The following BMP15 variants were observed in gnomAD, a reference collection of about 807,000 sequenced individuals.
BMP15 encodes the protein growth/differentiation factor 9B.
BMP15 carries 5 observed loss-of-function variants against 4.4 expected under a neutral mutation model. The observed-to-expected ratio is 1.13, with a 90% CI of 0.59 to 2.38. The LOEUF is 2.38. Ranked by LOEUF, BMP15 falls within the 30% of genes most tolerant of loss-of-function variation. BMP15 has a pLI of 0.01. For missense variants in BMP15, 339 were observed against 309.8 expected, an observed-to-expected ratio of 1.09 and a Z score of -0.71; for synonymous variants, 125 against 114.6, an observed-to-expected ratio of 1.09 and a Z score of -0.58.
rs140427037 is a variant in BMP15 at position 50,915,773 on chromosome X, G to C, written c.345G>C (p.Gln115His). 8.8e-5 allele frequency: 106 copies of C among 1,209,579 alleles called. No individual in the cohort carries two copies. Among genetic ancestry groups the C allele is most frequent in the Middle Eastern group, 2.3e-4 (1 of 4,352 alleles). Residue 115 changes from glutamine (Q) to histidine (H), a missense_variant, in exon 2 of 2, where the codon CAG (glutamine) becomes CAC (histidine). Physicochemically the swap from Gln to His is conservative, Grantham distance 24. Transcript: ENST00000252677. Reference protein sequence around the residue: ...ARPHRGTWHIQILGFPLRPNR... With the variant: ...ARPHRGTWHIHILGFPLRPNR... Reference sequence around the variant, plus strand: ...CTTCTGCAGGTACCTGGCATATACAGATCCTGGGCTTTCCTCTCAGACCAA... The same window carrying C: ...CTTCTGCAGGTACCTGGCATATACACATCCTGGGCTTTCCTCTCAGACCAA...
At chrX:50,911,917 G>C (rs782138461) in intron 1 of BMP15, among the ~76,000 whole-genome samples, 1 of 111,080 alleles carries the variant, frequency 9.0e-6, no homozygotes, top group South Asian at 3.9e-4. Flanking sequence ...AGACATTGTT[G>C]CAGGACAACA....
chrX:50,914,324 C>T (rs1355437326), intron 1 of BMP15, among the ~76,000 whole-genome samples: 2 of 111,858 alleles, frequency 1.8e-5, no homozygotes, highest in Admixed American at 9.4e-5. Flanking sequence ...GCTCAAAGGG[C>T]GGCTAATCCC....
At position 50,916,602 on chromosome X, in the gene BMP15, A is replaced by G. The variant is rs782238571; in HGVS notation, c.1174A>G (p.Arg392Gly). ...EGMIAESCTC[R>G] ...TATGATTGCTGAGTCTTGTACATGC[A>G]GATGACAGCAACAGTACGGCTAGAT... Residue 392 changes from arginine to glycine, a missense_variant, in exon 2 of 2, where the codon AGA (arginine) becomes GGA (glycine). Arg to Gly is a moderately radical substitution (Grantham distance 125). Coordinates refer to ENST00000252677, the MANE Select transcript of BMP15 (RefSeq NM_005448.2). The G allele has an allele frequency of 8.3e-7, 1 of 1,209,490 alleles. No individual in the cohort carries two copies. Among genetic ancestry groups the G allele is most frequent in the African/African-American group, 1.8e-5 (1 of 57,124 alleles).
intron 1 of BMP15, among the ~76,000 whole-genome samples, chrX:50,914,733 G>A (rs1239360761): frequency 8.9e-6 from 1 of 112,132 alleles, no homozygotes; most frequent in Non-Finnish European, 1.9e-5. Context: ...CTGATAAGAT[G>A]TCTGAAGATG....
At chrX:50,914,022 G>A (rs972348536) in intron 1 of BMP15, among the ~76,000 whole-genome samples, 2 of 111,921 alleles carry the variant, frequency 1.8e-5, no homozygotes, top group African/African-American at 6.5e-5. Flanking sequence ...CCAGGCTGGA[G>A]TGCAGTGGCA....
chrX:50,910,849 G>A lies in BMP15; in HGVS notation c.66G>A (p.Arg22=). 21 of 1,209,000 alleles carry A rather than the reference G, an allele frequency of 1.7e-5. No homozygotes were observed. Among genetic ancestry groups the A allele is most frequent in the Non-Finnish European group, 2.3e-5 (21 of 894,020 alleles). ...LCELVLFMEH[R]AQMAEGGQSS... is the part of the protein sequence containing the mutation. ...AACTCGTGCTTTTCATGGAACACAG[G>A]GCCCAAATGGCAGAAGGAGGGCAGT... Residue 22 remains arginine (R), a synonymous_variant, in exon 1 of 2, where the codon AGG becomes AGA. Transcript: ENST00000252677.
chrX:50,915,243 G>T (rs1923101383), intron 1 of BMP15, among the ~76,000 whole-genome samples: 1 of 111,652 alleles, frequency 9.0e-6, no homozygotes, highest in East Asian at 2.8e-4. Context: ...CATCTGTATA[G>T]TGATATGACA....
intron 1 of BMP15, among the ~76,000 whole-genome samples, chrX:50,913,354 G>C (rs1438415500): frequency 1.8e-5 from 2 of 111,091 alleles, no homozygotes; most frequent in Non-Finnish European, 3.8e-5. Flanking sequence ...ATTTGAGCCT[G>C]GGAGGTTGAG....
chrX:50,912,924 G>A (rs1923043105), intron 1 of BMP15, among the ~76,000 whole-genome samples: 1 of 111,718 alleles, frequency 9.0e-6, no homozygotes, highest in Non-Finnish European at 1.9e-5. Flanking sequence ...TGCCATTTGA[G>A]CTCAGGTCTA....
intron 1 of BMP15, among the ~76,000 whole-genome samples, chrX:50,913,245 C>T (rs1453464297): frequency 2.7e-5 from 3 of 111,112 alleles, no homozygotes; most frequent in African/African-American, 9.8e-5. Flanking sequence ...CTGAGCAACA[C>T]AGGGAGACAT....
chrX:50,914,114 G>GCA (rs1162644176), intron 1 of BMP15, among the ~76,000 whole-genome samples: 1 of 111,579 alleles, frequency 9.0e-6, no homozygotes, highest in Non-Finnish European at 1.9e-5. Flanking sequence ...GGGATTACAG[G>GCA]TGCCTGCCAC....
chrX:50,914,126 A>G (rs889618778), intron 1 of BMP15, among the ~76,000 whole-genome samples: 1 of 111,417 alleles, frequency 9.0e-6, no homozygotes, highest in Non-Finnish European at 1.9e-5. Context: ...GCCTGCCACC[A>G]CGCCCGGCTA....
At chrX:50,914,131 C>T (rs962573917) in intron 1 of BMP15, among the ~76,000 whole-genome samples, 17 of 111,562 alleles carry the variant, frequency 1.5e-4, no homozygotes, top group African/African-American at 2.6e-4. Context: ...CCACCACGCC[C>T]GGCTAATTTT....
intron 1 of BMP15, among the ~76,000 whole-genome samples, chrX:50,913,431 A>T (rs1335817405): frequency 9.0e-6 from 1 of 110,966 alleles, no homozygotes; most frequent in Non-Finnish European, 1.9e-5. Context: ...ACTGCACTCC[A>T]GCCTGGGTGA....
chrX:50,914,118 C>G (rs998240110), intron 1 of BMP15, among the ~76,000 whole-genome samples: 1 of 111,581 alleles, frequency 9.0e-6, no homozygotes, highest in Non-Finnish European at 1.9e-5. Flanking sequence ...TTACAGGTGC[C>G]TGCCACCACG....
At chrX:50,912,860 G>A (rs183475286) in intron 1 of BMP15, among the ~76,000 whole-genome samples, 2 of 111,905 alleles carry the variant, frequency 1.8e-5, no homozygotes, top group East Asian at 2.8e-4. Flanking sequence ...ATAGAGAATG[G>A]CAATGAAACC....
In BMP15 at chrX:50,916,414, G is replaced by C. The variant is rs782306478; in HGVS notation, c.986G>C (p.Arg329Pro). Residue 329 changes from arginine to proline, a missense_variant, in exon 2 of 2, where the codon CGC becomes CCC. Coordinates refer to ENST00000252677, the MANE Select transcript of BMP15 (RefSeq NM_005448.2). ...YCKGTCLRVL[R>P]DGLNSPNHAI... is the part of the protein sequence containing the mutation. ...AAAGGAACTTGTCTCCGAGTACTAC[G>C]CGATGGTCTCAATTCCCCCAATCAC... is the stretch of plus-strand genomic sequence containing the variant. 1 of 1,206,853 alleles carries C rather than the reference G, an allele frequency of 8.3e-7. No individual in the cohort carries two copies. The highest frequency in any genetic ancestry group is 1.8e-5 in the African/African-American group (1 of 56,798).
At chrX:50,914,799 G>A (rs181248964) in intron 1 of BMP15, among the ~76,000 whole-genome samples, 17 of 111,438 alleles carry the variant, frequency 1.5e-4, no homozygotes, top group South Asian at 7.8e-4. Context: ...CTTGACCTTC[G>A]CCGGGAGGGG....
chrX:50,912,714 G>A (rs1923038850), intron 1 of BMP15, among the ~76,000 whole-genome samples: 2 of 111,588 alleles, frequency 1.8e-5, no homozygotes, highest in African/African-American at 6.5e-5. Flanking sequence ...TGAGTACTAG[G>A]CATACAGATG....
Sources: gnomAD v4.1 joint callset for allele counts (sites outside exome capture counted in the v4.1 genomes callset) on GRCh38, gnomAD v4.1.1 for gene constraint, MANE v1.5 for transcripts, NCBI Gene and HGNC (gene_info 2026-07-23, HGNC 2026-07-21) for gene names.